ERCC4: variants seen among roughly 807,000 people sequenced by gnomAD.
ERCC4 encodes the protein DNA repair endonuclease XPF.
A neutral mutation model predicts 76.9 loss-of-function variants in ERCC4; 65 were observed. The observed-to-expected ratio is 0.84, with a 90% CI of 0.69 to 1.04. The LOEUF (loss-of-function observed/expected upper bound fraction) is 1.04. Among genes scored for constraint, ERCC4 ranks in the 50% least tolerant of loss-of-function variants. The pLI is 0.00. For missense variants in ERCC4, 1,214 were observed against 1,128.2 expected, an observed-to-expected ratio of 1.08 and a Z score of -1.09; for synonymous variants, 463 against 410.1, an observed-to-expected ratio of 1.13 and a Z score of -1.56.
At position 13,948,212 on chromosome 16, in the gene ERCC4, C is replaced by T. The variant is rs763275769; in HGVS notation, c.2616C>T (p.Asn872=). The change falls in exon 11 of 11, where the codon AAC becomes AAT. Residue 872 remains asparagine, a synonymous_variant. Transcript: ENST00000311895. ...NCRSLMHHVK[N]IAELAALSQD... ...GCTCCTTGATGCACCACGTTAAGAACATCGCAGAATTAGCAGCCCTGTCAC... is the reference window on the plus strand; with the variant it reads ...GCTCCTTGATGCACCACGTTAAGAATATCGCAGAATTAGCAGCCCTGTCAC... The T allele has an allele frequency of 6.2e-7, 1 of 1,614,168 alleles. No individual in the cohort carries two copies. Among genetic ancestry groups the T allele is most frequent in the Non-Finnish European group, 8.5e-7 (1 of 1,180,028 alleles).
intron 2 of ERCC4, chr16:13,922,695 C>G (rs1439564492): frequency 7.5e-6 from 3 of 400,980 alleles, no homozygotes; most frequent in Non-Finnish European, 1.4e-5. Flanking sequence ...AGGCACGGAC[C>G]GGAGAGGGTA....
Position 13,920,362 on chromosome 16 carries a change from C to T in ERCC4, c.197C>T (p.Pro66Leu), listed in dbSNP as rs1462759453. Reference protein sequence around the residue: ...ACLVLVLNTQPAEEEYFINQL... With the variant: ...ACLVLVLNTQLAEEEYFINQL... ...CTGGTGCTGGTGCTCAACACGCAGC[C>T]GGCCGAGGAGGTGCGGCCGCGCTGG... The change falls in exon 1 of 11, where the codon CCG becomes CTG. Residue 66 changes from proline (P) to leucine (L), a missense_variant. By Grantham distance (98) the Pro-to-Leu change is moderately conservative. Transcript: ENST00000311895. 3 of 1,581,244 alleles carry T rather than the reference C, an allele frequency of 1.9e-6. No individual in the cohort carries two copies. Among genetic ancestry groups the T allele is most frequent in the Non-Finnish European group, 1.7e-6 (2 of 1,171,010 alleles).
intron 4 of ERCC4, among the ~76,000 whole-genome samples, chr16:13,929,389 A>G (rs1322716904): frequency 6.6e-6 from 1 of 152,232 alleles, no homozygotes; most frequent in Admixed American, 6.5e-5. Flanking sequence ...TAAATAGTGT[A>G]TCATTTCTTT....
At chr16:13,928,769 AC>A (rs2032117670) in intron 4 of ERCC4, among the ~76,000 whole-genome samples, 1 of 152,118 alleles carries the variant, frequency 6.6e-6, no homozygotes, top group South Asian at 2.1e-4. Flanking sequence ...ATAAATGTCT[AC>A]TTTTTCATTA....
At chr16:13,942,432 C>T (rs1364133740) in intron 9 of ERCC4, among the ~76,000 whole-genome samples, 1 of 152,136 alleles carries the variant, frequency 6.6e-6, no homozygotes, top group Non-Finnish European at 1.5e-5. Context: ...AGCAAATCTT[C>T]AGTTTTTTAG....
chr16:13,942,542 A>G (rs1055167179), intron 9 of ERCC4, among the ~76,000 whole-genome samples: 52 of 152,362 alleles, frequency 3.4e-4, no homozygotes, highest in Admixed American at 3.3e-3. Flanking sequence ...GGTGCCAGGC[A>G]CTGTTCTGAG....
chr16:13,924,701 C>T (rs767092262), intron 2 of ERCC4, among the ~76,000 whole-genome samples: 15 of 152,156 alleles, frequency 9.9e-5, no homozygotes, highest in Non-Finnish European at 2.2e-4. Flanking sequence ...AAAGATAGTA[C>T]CTTCCTCCTA....
intron 2 of ERCC4, among the ~76,000 whole-genome samples, chr16:13,925,502 A>G (rs537478159): frequency 2.6e-5 from 4 of 152,336 alleles, no homozygotes; most frequent in African/African-American, 7.2e-5. Context: ...TTTGGAAGAT[A>G]ATTTGCTGAG....
intron 9 of ERCC4, among the ~76,000 whole-genome samples, chr16:13,941,851 GC>G (rs1338398940): frequency 6.6e-6 from 1 of 152,150 alleles, no homozygotes; most frequent in Non-Finnish European, 1.5e-5. Context: ...TTAAGTAAAT[GC>G]CCATTGGAAG....
At position 13,950,823 on chromosome 16, in the gene ERCC4, T is replaced by A. The variant is rs1312906274; in HGVS notation, c.*2476T>A. The A allele has an allele frequency of 5.1e-6, 1 of 194,606 alleles. No individual in the cohort carries two copies. Among genetic ancestry groups the A allele is most frequent in the Admixed American group, 6.1e-5 (1 of 16,378 alleles). The allele number at this position is 194,606 out of a possible 1,614,324, so 12.1% of individuals were successfully genotyped here. On this transcript the variant is annotated 3_prime_UTR_variant, in exon 11 of 11. Transcript: ENST00000311895. ...AGGGGTTTCATTCCAAGTTGAGTTT[T>A]CAAAAAAAAGGTCTTCCTAAAGCTA...
chr16:13,929,644 C>G (rs1387830477), intron 4 of ERCC4, among the ~76,000 whole-genome samples: 5 of 152,168 alleles, frequency 3.3e-5, no homozygotes, highest in Non-Finnish European at 7.4e-5. Flanking sequence ...TAAAGCTGTT[C>G]TTTGTTTTAG....
intron 9 of ERCC4, among the ~76,000 whole-genome samples, chr16:13,940,663 C>A (rs912237120): frequency 2.6e-5 from 4 of 152,204 alleles, no homozygotes; most frequent in Non-Finnish European, 5.9e-5. Context: ...CTCCAGCCCC[C>A]AAAGCAGCAA....
intron 5 of ERCC4, 64 bp from the exon 6 acceptor site, chr16:13,932,093 A>T: frequency 7.1e-7 from 1 of 1,413,358 alleles, no homozygotes. Context: ...TCATGTGACC[A>T]TCAGAGACTG....
In ERCC4 at chr16:13,935,716, G is replaced by A; in HGVS notation, c.1784G>A (p.Arg595Lys). The A allele has an allele frequency of 6.2e-7, 1 of 1,614,034 alleles. No homozygotes were observed. Among genetic ancestry groups the A allele is most frequent in the African/African-American group, 1.3e-5 (1 of 75,032 alleles). ...LTFVRQLEIY[R>K]ASRPGKPLRV... ...TTTGTTCGGCAGCTTGAAATTTACA[G>A]GGCGAGTAGGCCTGGGAAACCTCTG... Residue 595 changes from arginine (R) to lysine (K), a missense_variant, in exon 8 of 11, where the codon AGG (arginine) becomes AAG (lysine). Transcript: ENST00000311895.
intron 1 of ERCC4, among the ~76,000 whole-genome samples, chr16:13,921,154 T>C (rs997928099): frequency 1.4e-5 from 2 of 140,668 alleles, no homozygotes; most frequent in African/African-American, 2.6e-5. Flanking sequence ...TGAAAGGAGA[T>C]GCTGAGGCGC....
rs1348121655 is a variant in ERCC4, at chr16:13,926,345, C to A, written c.389-216C>A. On this transcript the variant is annotated intron_variant, in intron 2 of 10. Coordinates refer to ENST00000311895, the MANE Select transcript of ERCC4 (RefSeq NM_005236.3). ...CTCCTCCTTCTCTGATTCATTTTTTCTTCTCAGCACTTGTAGCATCCTAAA... is the reference window on the plus strand; with the variant it reads ...CTCCTCCTTCTCTGATTCATTTTTTATTCTCAGCACTTGTAGCATCCTAAA... Among the ~76,000 whole-genome samples, 3 of 152,162 alleles carry A rather than the reference C, an allele frequency of 2.0e-5. No homozygotes were observed. In the East Asian group the frequency reaches 5.8e-4, roughly 29 times the overall value.
chr16:13,944,050 G>T, intron 9 of ERCC4: 1 of 153,236 alleles, frequency 6.5e-6, no homozygotes, highest in Non-Finnish European at 1.5e-5. Flanking sequence ...AGTACCTAGA[G>T]CACCACGCAG....
At chr16:13,928,736 T>C (rs985129209) in intron 4 of ERCC4, among the ~76,000 whole-genome samples, 2 of 152,160 alleles carry the variant, frequency 1.3e-5, no homozygotes, top group Non-Finnish European at 2.9e-5. Flanking sequence ...TAATTTTTTA[T>C]TATAGATTAA....
chr16:13,942,931 A>G (rs1208868156), intron 9 of ERCC4, among the ~76,000 whole-genome samples: 1 of 152,184 alleles, frequency 6.6e-6, no homozygotes, highest in African/African-American at 2.4e-5. Context: ...TGCAATAGAG[A>G]GAATGGAGTG....
Sources: gnomAD v4.1 joint callset for allele counts (sites outside exome capture counted in the v4.1 genomes callset) on GRCh38, gnomAD v4.1.1 for gene constraint, MANE v1.5 for transcripts, NCBI Gene and HGNC (gene_info 2026-07-23, HGNC 2026-07-21) for gene names.